HIVEP1: variants seen among roughly 807,000 people sequenced by gnomAD.
HIVEP1 encodes the protein zinc finger protein 40.
A neutral mutation model predicts 180.0 loss-of-function variants in HIVEP1; 36 were observed. The observed-to-expected ratio is 0.20, with a 90% CI of 0.15 to 0.26. The LOEUF is 0.26. HIVEP1 is among the 10% of genes least tolerant of loss of function. The pLI, the probability that HIVEP1 is intolerant of heterozygous loss-of-function variation, is 1.00. For synonymous variants in HIVEP1, 1,239 were observed against 1,239.0 expected (o/e 1.00, Z 0.00); for missense variants, 3,143 against 3,268.7 (o/e 0.96, Z 0.94).
At chr6:12,201,987 T>C in the HIVEP1 span, among the ~76,000 whole-genome samples, 1 of 152,098 alleles carries the variant, frequency 6.6e-6, no homozygotes, top group Non-Finnish European at 1.5e-5. Flanking sequence ...ACAAGAATGG[T>C]TCCCTCTACA....
the HIVEP1 span, among the ~76,000 whole-genome samples, chr6:12,182,723 T>C: frequency 2.0e-5 from 3 of 152,210 alleles, no homozygotes. Flanking sequence ...TAAAGAATAG[T>C]GCGTGCCATG....
upstream of HIVEP1, chr6:12,012,257 C>G (rs1415714166): frequency 6.8e-6 from 1 of 147,526 alleles, no homozygotes; most frequent in African/African-American, 2.4e-5. Flanking sequence ...GCGCTCCCCC[C>G]CCCGCCCCCC....
chr6:12,011,465 C>G (rs1295404643), upstream of HIVEP1, among the ~76,000 whole-genome samples: 2 of 151,310 alleles, frequency 1.3e-5, no homozygotes, highest in Non-Finnish European at 3.0e-5. Context: ...GCCAGGCCTT[C>G]CCGGGGCCGC....
chr6:12,157,158 A>G (rs533435727), intron 7 of HIVEP1, among the ~76,000 whole-genome samples: 84 of 152,276 alleles, frequency 5.5e-4, no homozygotes, highest in Non-Finnish European at 9.7e-4. Flanking sequence ...TTTATGGTAT[A>G]TCTTTCCCCA....
intron 1 of HIVEP1, among the ~76,000 whole-genome samples, chr6:12,013,906 A>C (rs1464784918): frequency 6.6e-6 from 1 of 152,250 alleles, no homozygotes; most frequent in Non-Finnish European, 1.5e-5. Flanking sequence ...TCAGGGATAA[A>C]ATACTGAAGT....
At chr6:12,205,520 C>T in the HIVEP1 span, among the ~76,000 whole-genome samples, 4 of 151,942 alleles carry the variant, frequency 2.6e-5, no homozygotes, top group South Asian at 2.1e-4. Flanking sequence ...ATCTACTGCA[C>T]GGTACAGTGG....
At chr6:12,089,291 A>C in intron 3 of HIVEP1, 54 bp downstream of exon 3, 1 of 939,710 alleles carries the variant, frequency 1.1e-6, no homozygotes, top group African/African-American at 1.7e-5. Flanking sequence ...ATGCCTATAC[A>C]TATACCTCAT....
intron 7 of HIVEP1, among the ~76,000 whole-genome samples, chr6:12,138,690 T>G (rs1758833432): frequency 1.3e-5 from 2 of 152,152 alleles, no homozygotes; most frequent in African/African-American, 4.8e-5. Context: ...ATTTCTGTGC[T>G]GATGATGCCC....
At chr6:12,036,817 A>G (rs1226346936) in intron 2 of HIVEP1, among the ~76,000 whole-genome samples, 1 of 152,234 alleles carries the variant, frequency 6.6e-6, no homozygotes, top group Non-Finnish European at 1.5e-5. Context: ...CTGAGTCAGG[A>G]GAAGTGCTTG....
intron 2 of HIVEP1, among the ~76,000 whole-genome samples, chr6:12,075,820 G>A (rs1772314247): frequency 6.6e-6 from 1 of 151,908 alleles, no homozygotes; most frequent in Non-Finnish European, 1.5e-5. Context: ...AAACGATAAG[G>A]GATATCTTTT....
In HIVEP1 at chr6:12,120,694, A is replaced by G; in HGVS notation, c.899A>G (p.Gln300Arg). The G allele has an allele frequency of 6.2e-7, 1 of 1,614,200 alleles. No homozygotes were observed. The highest frequency in any genetic ancestry group is 8.5e-7 in the Non-Finnish European group (1 of 1,180,028). ...FVPKSNQHNQ[Q>R]LPGCSGFTGS... ...CCCAAATCCAACCAACATAATCAAC[A>G]GCTTCCGGGGTGTTCAGGTTTCACA... Residue 300 changes from glutamine (Q) to arginine (R), a missense_variant, in exon 4 of 9, where the codon CAG becomes CGG. This residue lies in a region of HIVEP1 where 306 missense variants were observed against 310.6 expected (regional missense o/e 0.99). Coordinates refer to ENST00000379388, the MANE Select transcript of HIVEP1 (RefSeq NM_002114.4).
intron 6 of HIVEP1, among the ~76,000 whole-genome samples, chr6:12,132,931 G>A (rs932720916): frequency 6.6e-6 from 1 of 152,098 alleles, no homozygotes; most frequent in African/African-American, 2.4e-5. Context: ...TTTAAAGGTA[G>A]TTAAATAATA....
chr6:12,090,019 T>C (rs1414554913), intron 3 of HIVEP1, among the ~76,000 whole-genome samples: 1 of 152,112 alleles, frequency 6.6e-6, no homozygotes. Context: ...ATGGGTGTAA[T>C]TTTGTATTAA....
rs777769770 is a variant in HIVEP1, at chr6:12,125,706, A to C, written c.5911A>C (p.Ser1971Arg). ...KTSAYTDWTV[S>R]ASNPNPLGLP... ...TTCAGCCTATACTGATTGGACAGTAAGCGCCAGTAATCCAAATCCACTCGG... is the reference window on the plus strand; with the variant it reads ...TTCAGCCTATACTGATTGGACAGTACGCGCCAGTAATCCAAATCCACTCGG... Residue 1971 changes from serine (S) to arginine (R), a missense_variant, in exon 4 of 9, where the codon AGC (serine) becomes CGC (arginine). Physicochemically the swap from Ser to Arg is moderately radical, Grantham distance 110 (BLOSUM62 -1). Around this residue, in one of 12 missense-constraint regions of HIVEP1, gnomAD observed 1,357 missense variants for 1,260.5 expected, o/e 1.08. Coordinates refer to ENST00000379388, the MANE Select transcript of HIVEP1 (RefSeq NM_002114.4). The C allele has an allele frequency of 3.2e-5, 51 of 1,614,220 alleles. No homozygotes were observed. Among genetic ancestry groups the C allele is most frequent in the Non-Finnish European group, 4.3e-5 (51 of 1,180,054 alleles).
At chr6:12,153,140 T>C (rs1368662801) in intron 7 of HIVEP1, among the ~76,000 whole-genome samples, 1 of 152,252 alleles carries the variant, frequency 6.6e-6, no homozygotes, top group Admixed American at 6.5e-5. Context: ...CTACATTTTA[T>C]ATATTCTGTT....
intron 3 of HIVEP1, among the ~76,000 whole-genome samples, chr6:12,109,400 C>A (rs1024356551): frequency 4.6e-5 from 7 of 152,224 alleles, no homozygotes; most frequent in Non-Finnish European, 8.8e-5. Flanking sequence ...AGTAAAACTT[C>A]TTTCAAAATT....
chr6:12,137,664 G>A (rs541659150), intron 7 of HIVEP1, among the ~76,000 whole-genome samples: 1 of 151,728 alleles, frequency 6.6e-6, no homozygotes, highest in South Asian at 2.1e-4. Flanking sequence ...ACACAGAGGT[G>A]GAGTTTTGCC....
At position 12,163,473 on chromosome 6, in the gene HIVEP1, A is replaced by G; in HGVS notation, c.7169A>G (p.Gln2390Arg). ...AGCCACCTTCCTTTGCATTCCCAGC[A>G]GCAATCGAGGACACCTTATAATATG... ...LFSHLPLHSQ[Q>R]QSRTPYNMVP... The change falls in exon 9 of 9, where the codon CAG becomes CGG. Residue 2390 changes from glutamine to arginine, a missense_variant. Coordinates refer to ENST00000379388, the MANE Select transcript of HIVEP1 (RefSeq NM_002114.4). 1 of 1,614,164 alleles carries G rather than the reference A, an allele frequency of 6.2e-7. No individual in the cohort carries two copies. The highest frequency in any genetic ancestry group is 1.1e-5 in the South Asian group (1 of 91,080).
At chr6:12,056,451 T>C (rs935899991) in intron 2 of HIVEP1, among the ~76,000 whole-genome samples, 3 of 152,244 alleles carry the variant, frequency 2.0e-5, no homozygotes, top group African/African-American at 7.2e-5. Context: ...GTTCATTTAT[T>C]TGTTGTACAT....
Sources: allele counts gnomAD v4.1 joint callset (sites outside exome capture counted in the v4.1 genomes callset), GRCh38; gene constraint gnomAD v4.1.1; regional missense constraint gnomAD v4.1.1; transcripts MANE v1.5; gene names NCBI Gene and HGNC (gene_info 2026-07-23, HGNC 2026-07-21).